THSD4: variants seen among roughly 807,000 people sequenced by gnomAD.
The protein encoded by THSD4 is thrombospondin type 1 domain containing 4, also known as thrombospondin type-1 domain-containing protein 4.
In THSD4, 69 loss-of-function variants were observed where a neutral mutation model predicts 119.0. The ratio of observed to expected loss-of-function variants is 0.58; its 90% CI spans 0.48 to 0.71. The LOEUF (loss-of-function observed/expected upper bound fraction) is 0.71. Ranked by LOEUF, THSD4 falls within the 30% of genes least tolerant of loss-of-function variation. The probability of loss-of-function intolerance (pLI) is 0.00; values close to 1 mark genes in which losing one functional copy is unlikely to be tolerated. For missense variants in THSD4, 1,393 were observed against 1,391.1 expected, an observed-to-expected ratio of 1.00 and a Z score of -0.02; for synonymous variants, 524 against 540.4, an observed-to-expected ratio of 0.97 and a Z score of 0.42.
intron 7 of THSD4, among the ~76,000 whole-genome samples, chr15:71,521,175 A>G (rs1035537223): frequency 6.6e-6 from 1 of 152,190 alleles, no homozygotes; most frequent in African/African-American, 2.4e-5. Flanking sequence ...TAAAAGTAAC[A>G]GTACTCAGAT....
At chr15:71,691,681 A>G (rs1386296051) in intron 8 of THSD4, among the ~76,000 whole-genome samples, 3 of 152,196 alleles carry the variant, frequency 2.0e-5, no homozygotes, top group Admixed American at 2.0e-4. Context: ...TTTAGTAATG[A>G]TGAGTTGAAC....
At chr15:71,476,940 G>A (rs567445458) in intron 7 of THSD4, among the ~76,000 whole-genome samples, 3 of 152,172 alleles carry the variant, frequency 2.0e-5, no homozygotes, top group African/African-American at 7.2e-5. Flanking sequence ...TATAGGGTGA[G>A]CATGAGTGAA....
intron 6 of THSD4, among the ~76,000 whole-genome samples, chr15:71,332,760 T>G (rs1286499978): frequency 6.6e-6 from 1 of 152,114 alleles, no homozygotes; most frequent in Non-Finnish European, 1.5e-5. Flanking sequence ...GCCAAATATT[T>G]GAGTGATGAA....
chr15:71,720,022 C>CTTTTTTT (rs750020826), intron 8 of THSD4, among the ~76,000 whole-genome samples: 1 of 114,468 alleles, frequency 8.7e-6, no homozygotes. Context: ...ATAACATGTG[C>CTTTTTTT]TTTTTTTTTT....
At chr15:71,374,110 C>G (rs1269271202) in intron 6 of THSD4, among the ~76,000 whole-genome samples, 1 of 152,146 alleles carries the variant, frequency 6.6e-6, no homozygotes, top group Non-Finnish European at 1.5e-5. Flanking sequence ...GATGTTTGTC[C>G]TCTTCCAAAG....
At chr15:71,149,430 G>C (rs578111995) in intron 2 of THSD4, among the ~76,000 whole-genome samples, 1 of 152,016 alleles carries the variant, frequency 6.6e-6, no homozygotes, top group Non-Finnish European at 1.5e-5. Context: ...ATTTTTAGTA[G>C]AGACGGGGTT....
At chr15:71,589,271 A>C (rs1045821488) in intron 7 of THSD4, among the ~76,000 whole-genome samples, 1 of 141,260 alleles carries the variant, frequency 7.1e-6, no homozygotes, top group African/African-American at 2.5e-5. Context: ...CTATTTCATA[A>C]AATAGTTCCA....
chr15:71,350,860 TGTA>T, intron 6 of THSD4, among the ~76,000 whole-genome samples: 1 of 152,186 alleles, frequency 6.6e-6, no homozygotes, highest in East Asian at 1.9e-4. Flanking sequence ...GCCACACTTT[TGTA>T]TTAAGCTTGT....
chr15:71,653,003 A>G (rs1461918451), intron 7 of THSD4, among the ~76,000 whole-genome samples: 2 of 152,178 alleles, frequency 1.3e-5, no homozygotes, highest in Admixed American at 6.5e-5. Flanking sequence ...TCTCTTTTTA[A>G]AAGAAAAATT....
At chr15:71,237,214 G>A (rs1270728318) in intron 4 of THSD4, among the ~76,000 whole-genome samples, 1 of 152,148 alleles carries the variant, frequency 6.6e-6, no homozygotes, top group East Asian at 1.9e-4. Context: ...GTGGTACTTG[G>A]GAGTAAGACA....
At chr15:71,686,708 A>G (rs780411637) in intron 8 of THSD4, among the ~76,000 whole-genome samples, 15 of 152,290 alleles carry the variant, frequency 9.8e-5, no homozygotes, top group African/African-American at 3.1e-4. Flanking sequence ...TGTTGTTCCA[A>G]TCTCTGTGGG....
chr15:71,287,666 C>T (rs562084685), intron 6 of THSD4, among the ~76,000 whole-genome samples: 2 of 152,284 alleles, frequency 1.3e-5, no homozygotes, highest in South Asian at 4.1e-4. Context: ...TGCTGAAAAT[C>T]GTCTTGCACA....
At chr15:71,613,565 A>G (rs2050268423) in intron 7 of THSD4, among the ~76,000 whole-genome samples, 1 of 152,184 alleles carries the variant, frequency 6.6e-6, no homozygotes, top group South Asian at 2.1e-4. Flanking sequence ...TCTCTTCCTT[A>G]TCTAGACCCT....
intron 2 of THSD4, among the ~76,000 whole-genome samples, chr15:71,144,582 G>T (rs562707508): frequency 1.3e-4 from 20 of 152,152 alleles, no homozygotes; most frequent in African/African-American, 4.8e-4. Flanking sequence ...ACATTTAAGG[G>T]GAATCACAAC....
intron 6 of THSD4, among the ~76,000 whole-genome samples, chr15:71,345,654 G>A (rs2045645650): frequency 6.6e-6 from 1 of 152,130 alleles, no homozygotes; most frequent in Non-Finnish European, 1.5e-5. Flanking sequence ...GCTTTGATGG[G>A]TGAATGTCTA....
At chr15:71,393,860 C>G (rs1186510686) in intron 6 of THSD4, among the ~76,000 whole-genome samples, 4 of 152,182 alleles carry the variant, frequency 2.6e-5, no homozygotes, top group Non-Finnish European at 5.9e-5. Context: ...GTCAGACAGA[C>G]TAGCTGATTT....
chr15:71,106,395 T>C (rs954277867), intron 1 of THSD4, among the ~76,000 whole-genome samples: 5 of 152,236 alleles, frequency 3.3e-5, no homozygotes, highest in Admixed American at 3.3e-4. Flanking sequence ...TTGGCCTTTA[T>C]CTCAAAGGCA....
chr15:71,242,471 T>A (rs2044161088), intron 4 of THSD4, among the ~76,000 whole-genome samples, 178 bp from the exon 5 acceptor site: 1 of 152,194 alleles, frequency 6.6e-6, no homozygotes, highest in African/African-American at 2.4e-5. Flanking sequence ...GGAGCCTCTG[T>A]TCCAGCCTCC....
At chr15:71,718,908 C>T (rs1262546590) in intron 8 of THSD4, among the ~76,000 whole-genome samples, 1 of 152,228 alleles carries the variant, frequency 6.6e-6, no homozygotes, top group African/African-American at 2.4e-5. Flanking sequence ...TGTCTGACTG[C>T]TCCATGGACT....
Sources: allele counts gnomAD v4.1 joint callset (sites outside exome capture counted in the v4.1 genomes callset), GRCh38; gene constraint gnomAD v4.1.1; transcripts MANE v1.5; gene names NCBI Gene and HGNC (gene_info 2026-07-23, HGNC 2026-07-21).